The following ESR1 variants were observed in gnomAD, a reference collection of about 807,000 sequenced individuals.
The protein encoded by ESR1 is estrogen receptor 1.
Under a neutral mutation model 52.7 loss-of-function variants are expected in ESR1, and 12 were observed. The ratio of observed to expected loss-of-function variants is 0.23; its 90% CI spans 0.15 to 0.37. ESR1 has a LOEUF of 0.37. Ranked by LOEUF, ESR1 falls within the 10% of genes least tolerant of loss-of-function variation. The probability of loss-of-function intolerance (pLI) is 1.00; values close to 1 mark genes in which losing one functional copy is unlikely to be tolerated. For synonymous variants in ESR1, 305 were observed against 316.8 expected (o/e 0.96, Z 0.39); for missense variants, 584 against 779.7 (o/e 0.75, Z 2.99).
chr6:151,929,559 G>A (rs1338041308), intron 3 of ESR1, among the ~76,000 whole-genome samples: 1 of 152,014 alleles, frequency 6.6e-6, no homozygotes, highest in East Asian at 1.9e-4. Context: ...AACCACCATG[G>A]CACATGTATA....
intron 4 of ESR1, among the ~76,000 whole-genome samples, chr6:151,982,170 T>C (rs2128678145): frequency 6.6e-6 from 1 of 152,344 alleles, no homozygotes; most frequent in Non-Finnish European, 1.5e-5. Flanking sequence ...ACATGCCTAA[T>C]GGGCAGGCTG....
chr6:151,853,427 G>A (rs1279775812), intron 2 of ESR1, among the ~76,000 whole-genome samples: 1 of 152,122 alleles, frequency 6.6e-6, no homozygotes, highest in East Asian at 1.9e-4. Context: ...ATGTGTTTGT[G>A]CACACATGCA....
intron 5 of ESR1, among the ~76,000 whole-genome samples, chr6:152,039,857 T>C (rs1351532446): frequency 6.6e-6 from 1 of 152,186 alleles, no homozygotes; most frequent in Non-Finnish European, 1.5e-5. Flanking sequence ...GTAAGACCAG[T>C]GAATTCCATG....
chr6:151,811,145 A>G (rs1400794939), intron 1 of ESR1: 2 of 152,224 alleles, frequency 1.3e-5, no homozygotes, highest in Non-Finnish European at 2.9e-5. Flanking sequence ...AGCCACATCT[A>G]TGTGTGAAGA....
chr6:152,000,329 G>C (rs938666344), intron 4 of ESR1, among the ~76,000 whole-genome samples: 4 of 151,988 alleles, frequency 2.6e-5, no homozygotes, highest in Admixed American at 6.6e-5. Flanking sequence ...AAGTGGCAAA[G>C]CTGGACCTAA....
intron 3 of ESR1, among the ~76,000 whole-genome samples, chr6:151,925,895 A>AT (rs1001701025): frequency 2.0e-5 from 3 of 151,276 alleles, no homozygotes; most frequent in African/African-American, 7.3e-5. Context: ...ATCATATAGA[A>AT]TTTTTTCTGT....
intron 2 of ESR1, among the ~76,000 whole-genome samples, chr6:151,850,045 T>TAAAA (rs1786159814): frequency 4.4e-5 from 1 of 22,622 alleles, no homozygotes; most frequent in African/African-American, 1.3e-4. Flanking sequence ...TATATATAAT[T>TAAAA]TTATATATAT....
rs182459032 is a variant in ESR1, at chr6:151,761,311, T to A, written c.-70-46532T>A. Among the ~76,000 whole-genome samples, 9 of 152,256 alleles carry A rather than the reference T, an allele frequency of 5.9e-5. No homozygotes were observed. In the East Asian group the frequency reaches 1.7e-3, roughly 29 times the overall value. On this transcript the variant is annotated intron_variant, in intron 2 of 2. Coordinates refer to the ESR1 transcript ENST00000404742. ...CTAAAGAAAATAATAATCATTCTCATGGAATACTTTAAAATAGTAGAAACA... is the reference window on the plus strand; with the variant it reads ...CTAAAGAAAATAATAATCATTCTCAAGGAATACTTTAAAATAGTAGAAACA...
At chr6:151,727,731 C>A (rs1781950015) in intron 2 of ESR1, among the ~76,000 whole-genome samples, 1 of 152,108 alleles carries the variant, frequency 6.6e-6, no homozygotes, top group African/African-American at 2.4e-5. Context: ...GTGATGGGAT[C>A]ATGGTGGCAG....
intron 1 of ESR1, among the ~76,000 whole-genome samples, chr6:151,821,726 G>C (rs1257777800): frequency 1.3e-5 from 2 of 152,102 alleles, no homozygotes; most frequent in Non-Finnish European, 2.9e-5. Context: ...TTTGATCTGT[G>C]CTTGATCTAG....
At chr6:151,868,440 T>A (rs1409568798) in intron 2 of ESR1, among the ~76,000 whole-genome samples, 1 of 152,170 alleles carries the variant, frequency 6.6e-6, no homozygotes, top group African/African-American at 2.4e-5. Flanking sequence ...AATAGATAGT[T>A]TTTCAGTCCT....
chr6:152,002,244 G>A (rs189799284), intron 4 of ESR1, among the ~76,000 whole-genome samples: 2 of 148,790 alleles, frequency 1.3e-5, no homozygotes, highest in East Asian at 2.0e-4. Context: ...TAAAACGACA[G>A]TGTTGTCATC....
At chr6:152,045,746 G>A (rs1439475069) in intron 5 of ESR1, among the ~76,000 whole-genome samples, 1 of 152,148 alleles carries the variant, frequency 6.6e-6, no homozygotes, top group Non-Finnish European at 1.5e-5. Context: ...GAGCTGAATC[G>A]CCTAACCTAT....
intron 6 of ESR1, among the ~76,000 whole-genome samples, chr6:152,077,682 G>A (rs2048854578): frequency 6.6e-6 from 1 of 152,250 alleles, no homozygotes; most frequent in Non-Finnish European, 1.5e-5. Flanking sequence ...TGACCTGGAT[G>A]TGAGACATTC....
rs775813112 is a variant in ESR1, at chr6:152,061,131, T to C, written c.1369+7T>C. On this transcript the variant is annotated splice_region_variant and intron_variant, in intron 6 of 7. Transcript: ENST00000206249. The surrounding 1 kb of genome is among the most constrained non-coding windows in gnomAD (Gnocchi z 4.3). ...ATTATTTTGCTTAATTCTGGTGAGT[T>C]GATAACACAAGATAACTCAATGCTG... 8.7e-6 allele frequency: 14 copies of C among 1,613,368 alleles called. No homozygotes were observed. The African/African-American group carries it at 1.9e-4, about 22-fold the overall frequency.
At chr6:151,880,917 A>T in intron 3 of ESR1, 146 bp downstream of exon 3, 1 of 640,886 alleles carries the variant, frequency 1.6e-6, no homozygotes, top group Non-Finnish European at 2.8e-6. Flanking sequence ...TTGCAACAAA[A>T]GTATTTTCAT....
At chr6:151,701,124 A>G (rs1027003408) in intron 1 of ESR1, among the ~76,000 whole-genome samples, 2 of 152,062 alleles carry the variant, frequency 1.3e-5, no homozygotes, top group Non-Finnish European at 2.9e-5. Flanking sequence ...CAACGTCTGA[A>G]TCTTCGTGGT....
At position 152,066,293 on chromosome 6, in the gene ESR1, A is replaced by G. The variant is rs929759566; in HGVS notation, c.1369+5169A>G. On this transcript the variant is annotated intron_variant, in intron 6 of 7. Coordinates refer to ENST00000206249, the MANE Select transcript of ESR1 (RefSeq NM_000125.4). ...GATCTGGATTGTTTGCACTCACTTT[A>G]TATTATTAGACAATTACTCAGATTG... Among the ~76,000 whole-genome samples, 13 of 152,236 alleles carry G rather than the reference A, an allele frequency of 8.5e-5. 1 individual carries two copies. The highest frequency in any genetic ancestry group is 2.6e-4 in the Admixed American group (4 of 15,286).
At chr6:151,891,737 T>C (rs979643973) in intron 3 of ESR1, among the ~76,000 whole-genome samples, 2 of 152,142 alleles carry the variant, frequency 1.3e-5, no homozygotes, top group African/African-American at 4.8e-5. Context: ...GACATATGCA[T>C]GAGTAAGATA....
Sources: allele counts gnomAD v4.1 joint callset (sites outside exome capture counted in the v4.1 genomes callset), GRCh38; gene constraint gnomAD v4.1.1; non-coding constraint Gnocchi (gnomAD v3.1); transcripts MANE v1.5; gene names NCBI Gene and HGNC (gene_info 2026-07-23, HGNC 2026-07-21).